PCDHA11: variants seen among roughly 807,000 people sequenced by gnomAD.
PCDHA11 encodes the protein protocadherin alpha-11.
In PCDHA11, 61 loss-of-function variants were observed where a neutral mutation model predicts 70.3. The ratio of observed to expected loss-of-function variants is 0.87; its 90% confidence interval spans 0.71 to 1.07. The LOEUF (loss-of-function observed/expected upper bound fraction) is 1.07. Among genes scored for constraint, PCDHA11 ranks in the 50% least tolerant of loss-of-function variants. The pLI is 0.00. For missense variants in PCDHA11, 1,324 were observed against 1,237.5 expected (o/e 1.07, Z -1.05); for synonymous variants, 633 against 555.1 (o/e 1.14, Z -1.97).
chr5:141,009,863 A>G lies in PCDHA11; in HGVS notation c.2776A>G (p.Lys926Glu). 1 of 1,614,104 alleles carries G rather than the reference A, an allele frequency of 6.2e-7. No homozygotes were observed. Among genetic ancestry groups the G allele is most frequent in the Non-Finnish European group, 8.5e-7 (1 of 1,180,006 alleles). Residue 926 changes from lysine to glutamate, a missense_variant, in exon 4 of 4, where the codon AAA becomes GAA. Coordinates refer to ENST00000398640, the MANE Select transcript of PCDHA11 (RefSeq NM_018902.5). ...GKKEETKKKK[K>E]KKKGNKTQEK... ...AAAGGAGGAGACCAAGAAAAAGAAG[A>G]AAAAGAAGAAGGGTAACAAGACCCA...
intron 3 of PCDHA11, among the ~76,000 whole-genome samples, chr5:140,985,739 CT>C (rs11372071): frequency 0.013 from 1,497 of 117,900 alleles, 11 homozygotes; most frequent in African/African-American, 0.038. Flanking sequence ...TGATGAATTC[CT>C]TTTTTTTTTT....
chr5:140,888,754 CT>C (rs782694187), intron 1 of PCDHA11, among the ~76,000 whole-genome samples: 16 of 148,604 alleles, frequency 1.1e-4, no homozygotes, highest in East Asian at 2.0e-4. Flanking sequence ...ATTCTACCCA[CT>C]TTTTTTTTTA....
chr5:140,926,890 A>ACCCTCCCT (rs782687521), intron 1 of PCDHA11: 1 of 1,543,756 alleles, frequency 6.5e-7, no homozygotes, highest in Non-Finnish European at 8.7e-7. Context: ...GCCTAGAGGG[A>ACCCTCCCT]GGATGGTGGG....
At chr5:140,984,041 T>A (rs1440161569) in intron 3 of PCDHA11, among the ~76,000 whole-genome samples, 1 of 152,196 alleles carries the variant, frequency 6.6e-6, no homozygotes, top group Non-Finnish European at 1.5e-5. Flanking sequence ...CATAAAATAG[T>A]TCATTGACAA....
intron 1 of PCDHA11, among the ~76,000 whole-genome samples, chr5:140,965,230 C>T (rs2095881666): frequency 6.6e-6 from 1 of 152,126 alleles, no homozygotes; most frequent in Non-Finnish European, 1.5e-5. Flanking sequence ...ATGTGAGAAC[C>T]TGGGAAGAGT....
At chr5:140,881,441 CAGA>C (rs782795888) in intron 1 of PCDHA11, 70 of 829,276 alleles carry the variant, frequency 8.4e-5, no homozygotes, top group Non-Finnish European at 1.0e-4. Context: ...TTTATAAAAA[CAGA>C]ATCCAAAACC....
intron 3 of PCDHA11, among the ~76,000 whole-genome samples, chr5:141,002,613 A>G (rs1587992392): frequency 1.3e-5 from 2 of 152,206 alleles, no homozygotes; most frequent in African/African-American, 4.8e-5. Context: ...AAACAGACAC[A>G]TAACACAGAC....
intron 1 of PCDHA11, chr5:140,876,016 A>G (rs1554168175): frequency 6.2e-7 from 1 of 1,613,818 alleles, no homozygotes; most frequent in South Asian, 1.1e-5. Flanking sequence ...TGAGCTTAAA[A>G]TAAAAACAAA....
chr5:140,923,832 T>C (rs1584323997), intron 1 of PCDHA11, among the ~76,000 whole-genome samples: 1 of 152,306 alleles, frequency 6.6e-6, no homozygotes, highest in East Asian at 1.9e-4. Context: ...TCAGTGGCAG[T>C]TTAAATAGAG....
rs564801749 is a variant in PCDHA11, at chr5:140,919,703, A to G, written c.2391+48209A>G. Among the ~76,000 whole-genome samples the G allele has an allele frequency of 6.4e-4, 98 of 152,318 alleles. No individual in the cohort carries two copies. In the South Asian group the frequency reaches 0.011, roughly 16 times the overall value. ...TCTGCTTCAGATTTATATTAACTTA[A>G]TTCTAGTGAGATATAAATATGTTAC... On this transcript the variant is annotated intron_variant, in intron 1 of 3. Transcript: ENST00000398640.
At chr5:140,986,673 A>G (rs782404000) in intron 3 of PCDHA11, among the ~76,000 whole-genome samples, 2 of 152,168 alleles carry the variant, frequency 1.3e-5, no homozygotes. Context: ...TTTTCAGAAG[A>G]GTTCAGAAAG....
At chr5:140,887,072 C>T (rs1270434147) in intron 1 of PCDHA11, among the ~76,000 whole-genome samples, 1 of 151,836 alleles carries the variant, frequency 6.6e-6, no homozygotes, top group African/African-American at 2.4e-5. Context: ...CAAATTCACT[C>T]AGCTTTTGTC....
chr5:140,920,277 T>C (rs1275415444), intron 1 of PCDHA11, among the ~76,000 whole-genome samples: 1 of 152,230 alleles, frequency 6.6e-6, no homozygotes, highest in African/African-American at 2.4e-5. Context: ...TTATGTAATC[T>C]TATATTTTTT....
Position 140,883,553 on chromosome 5 carries a change from G to A in PCDHA11, c.2391+12059G>A, listed in dbSNP as rs782158028. The A allele has an allele frequency of 4.3e-6, 7 of 1,614,122 alleles. No individual in the cohort carries two copies. In the South Asian group the frequency reaches 7.7e-5, roughly 18 times the overall value. On this transcript the variant is annotated intron_variant, in intron 1 of 3. Transcript: ENST00000398640. The stretch of plus-strand genomic sequence containing the variant: ...CTATGAACTGGTGGTGACCGCGCGG[G>A]ACGGGGGCTCGCCTTCGCTGTGGGC...
In PCDHA11 at chr5:140,869,142, A is replaced by G; in HGVS notation, c.39A>G (p.Arg13=). 6.2e-7 allele frequency: 1 copy of G among 1,613,402 alleles called. No individual in the cohort carries two copies. Among genetic ancestry groups the G allele is most frequent in the Non-Finnish European group, 8.5e-7 (1 of 1,179,480 alleles). The change falls in exon 1 of 4, where the codon CGA becomes CGG. Residue 13 remains arginine (R), a synonymous_variant. Transcript: ENST00000398640. ...GFQRRGLGTP[R]LQLWLLLLEF... ...AGAGAAGGGGATTGGGCACCCCACG[A>G]CTACAGCTCTGGCTTCTCCTCCTCG...
chr5:140,958,484 G>T (rs246009), intron 1 of PCDHA11, among the ~76,000 whole-genome samples: 1 of 151,754 alleles, frequency 6.6e-6, no homozygotes, highest in Non-Finnish European at 1.5e-5. Flanking sequence ...AGAGCACTAA[G>T]TCCACATATC....
intron 1 of PCDHA11, among the ~76,000 whole-genome samples, chr5:140,947,807 G>T (rs542859945): frequency 3.6e-4 from 55 of 151,694 alleles, no homozygotes; most frequent in Non-Finnish European, 7.1e-4. Context: ...AATTTGCAGA[G>T]ACTATTTCTT....
In PCDHA11 at chr5:140,982,506, C is replaced by T. The variant is rs139355257; in HGVS notation, c.2482C>T (p.Arg828Trp). The change falls in exon 3 of 4, where the codon CGG (arginine) becomes TGG (tryptophan). Residue 828 changes from arginine to tryptophan, a missense_variant. Arg to Trp is a moderately radical substitution (Grantham distance 101). Coordinates refer to ENST00000398640, the MANE Select transcript of PCDHA11 (RefSeq NM_018902.5). ...GCACCTAGAGGAGGCTGGCATTCTACGGGCTGGTCCAGGAGGGCCTGATCA... is the reference window on the plus strand; with the variant it reads ...GCACCTAGAGGAGGCTGGCATTCTATGGGCTGGTCCAGGAGGGCCTGATCA... The part of the protein sequence containing the change: ...SVHLEEAGIL[R>W]AGPGGPDQQW... The T allele has an allele frequency of 3.5e-5, 57 of 1,614,162 alleles. No individual in the cohort carries two copies. Among genetic ancestry groups the T allele is most frequent in the Middle Eastern group, 3.3e-4 (2 of 6,058 alleles).
At chr5:141,000,643 G>A (rs2097954450) in intron 3 of PCDHA11, among the ~76,000 whole-genome samples, 1 of 151,102 alleles carries the variant, frequency 6.6e-6, no homozygotes, top group Non-Finnish European at 1.5e-5. Context: ...GGGCAGGCTG[G>A]TCTCGAACTC....
Sources: allele counts gnomAD v4.1 joint callset (sites outside exome capture counted in the v4.1 genomes callset), GRCh38; gene constraint gnomAD v4.1.1; transcripts MANE v1.5; gene names NCBI Gene and HGNC (gene_info 2026-07-23, HGNC 2026-07-21).